ETFA: variants seen among roughly 807,000 people sequenced by gnomAD.
The protein encoded by ETFA is electron transfer flavoprotein subunit alpha, mitochondrial.
ETFA carries 22 observed loss-of-function variants against 46.2 expected under a neutral mutation model. That is an observed-to-expected ratio of 0.48 (90% CI 0.34 to 0.68). ETFA has a LOEUF of 0.68. ETFA is among the 30% of genes least tolerant of loss of function. The pLI is 0.01. For missense variants in ETFA, 345 were observed against 401.1 expected (o/e 0.86, Z 1.19); for synonymous variants, 131 against 139.9 (o/e 0.94, Z 0.45).
chr15:76,266,777 G>A lies in ETFA; in HGVS notation c.816+7635C>T, dbSNP rs149361175. 7.7e-3 allele frequency among the ~76,000 whole-genome samples: 1,175 copies of A among 152,158 alleles called. 18 individuals are homozygous for A. The highest frequency in any genetic ancestry group is 0.025 in the African/African-American group (1,032 of 41,508). On this transcript the variant is annotated intron_variant, in intron 9 of 11. Transcript: ENST00000557943. ...AAATTCGTTGGGTGTGGTGGCGGGC[G>A]CCTGTAGTCCCAGCTACTCAGGAGG...
intron 9 of ETFA, chr15:76,259,238 G>A (rs1347023915): frequency 9.6e-6 from 15 of 1,555,892 alleles, no homozygotes; most frequent in East Asian, 2.2e-5. Context: ...TGGCTCTCTC[G>A]ATGTTGATGT....
intron 9 of ETFA, among the ~76,000 whole-genome samples, chr15:76,243,726 G>A (rs1596196379): frequency 1.3e-5 from 2 of 151,868 alleles, no homozygotes; most frequent in Middle Eastern, 6.8e-3. Flanking sequence ...TTGAACCTGG[G>A]AGGCAGAGGT....
chr15:76,231,267 A>T, intron 10 of ETFA, 66 bp downstream of exon 10: 2 of 983,416 alleles, frequency 2.0e-6, no homozygotes, highest in Non-Finnish European at 3.3e-6. Context: ...ACATGGAAAC[A>T]TACAAGGTAA....
At chr15:76,251,254 G>A (rs1160492689) in intron 9 of ETFA, among the ~76,000 whole-genome samples, 2 of 152,104 alleles carry the variant, frequency 1.3e-5, no homozygotes, top group Non-Finnish European at 2.9e-5. Flanking sequence ...AAATGATGGG[G>A]TCCAGAGGAA....
rs757885420 is a variant in ETFA at position 76,216,598 on chromosome 15, C to T, written c.964-1G>A. The T allele has an allele frequency of 2.5e-6, 4 of 1,584,882 alleles. No homozygotes were observed. Among genetic ancestry groups the T allele is most frequent in the Non-Finnish European group, 3.5e-6 (4 of 1,153,452 alleles). ...ATATCTCAGTCATTTCAGGAACTAC[C>T]TGCAAATAAAAACAAAAAGTAATTA... On this transcript the variant is annotated splice_acceptor_variant, in intron 11 of 11. Coordinates refer to ENST00000557943, the MANE Select transcript of ETFA (RefSeq NM_000126.4). LOFTEE classifies it high-confidence loss of function.
At chr15:76,307,489 CT>C (rs144568141) in intron 1 of ETFA, among the ~76,000 whole-genome samples, 636 of 118,342 alleles carry the variant, frequency 5.4e-3, no homozygotes, top group Middle Eastern at 5.0e-3. Context: ...CCATCTTAAC[CT>C]TTTTTTTTTT....
chr15:76,303,682 C>A (rs1344317753), intron 1 of ETFA, among the ~76,000 whole-genome samples: 1 of 152,118 alleles, frequency 6.6e-6, no homozygotes, highest in African/African-American at 2.4e-5. Flanking sequence ...ATGTGGCCAA[C>A]AAGCATATAA....
chr15:76,303,076 G>A (rs1436020178), intron 1 of ETFA, among the ~76,000 whole-genome samples: 1 of 152,110 alleles, frequency 6.6e-6, no homozygotes, highest in African/African-American at 2.4e-5. Context: ...AGGCCGAGGC[G>A]AGTGGATCAC....
At chr15:76,258,219 C>T (rs918273161) in intron 9 of ETFA, among the ~76,000 whole-genome samples, 1 of 151,986 alleles carries the variant, frequency 6.6e-6, no homozygotes, top group African/African-American at 2.4e-5. Flanking sequence ...GTAGCATGCT[C>T]AGATTGTGGG....
intron 8 of ETFA, among the ~76,000 whole-genome samples, chr15:76,281,410 C>A (rs539086551): frequency 6.6e-6 from 1 of 152,082 alleles, no homozygotes; most frequent in South Asian, 2.1e-4. Flanking sequence ...GTCTCCCTAA[C>A]ACTTACGACT....
chr15:76,270,965 T>C (rs1596210761), intron 9 of ETFA, among the ~76,000 whole-genome samples: 1 of 151,844 alleles, frequency 6.6e-6, no homozygotes, highest in South Asian at 2.1e-4. Context: ...AGGCCAGGGG[T>C]TCCAGACCAG....
At chr15:76,271,903 G>A (rs940614883) in intron 9 of ETFA, among the ~76,000 whole-genome samples, 5 of 129,806 alleles carry the variant, frequency 3.9e-5, no homozygotes, top group Admixed American at 3.0e-4. Context: ...ATGCGTATAT[G>A]TGTGTGTATA....
intron 7 of ETFA, 107 bp downstream of exon 7, chr15:76,285,530 T>C: frequency 1.4e-6 from 1 of 711,594 alleles, no homozygotes; most frequent in South Asian, 1.6e-5. Flanking sequence ...CTTCCCAACT[T>C]CTTACATTTG....
At chr15:76,243,020 G>A (rs1320250842) in intron 9 of ETFA, among the ~76,000 whole-genome samples, 1 of 152,184 alleles carries the variant, frequency 6.6e-6, no homozygotes, top group Non-Finnish European at 1.5e-5. Flanking sequence ...AAAACAACTG[G>A]GTGTGGTGCT....
chr15:76,309,577 C>T (rs779501190), intron 1 of ETFA, among the ~76,000 whole-genome samples: 43 of 152,222 alleles, frequency 2.8e-4, no homozygotes, highest in Admixed American at 3.9e-4. Flanking sequence ...TGTCTATACA[C>T]ATTAGCCAAC....
intron 9 of ETFA, among the ~76,000 whole-genome samples, chr15:76,241,320 G>C (rs2039185372): frequency 6.6e-6 from 1 of 151,968 alleles, no homozygotes; most frequent in Non-Finnish European, 1.5e-5. Context: ...AGGCAACACA[G>C]CAAGACCCCA....
chr15:76,298,478 A>T (rs902652931), intron 1 of ETFA, among the ~76,000 whole-genome samples: 8 of 152,224 alleles, frequency 5.3e-5, no homozygotes, highest in Non-Finnish European at 8.8e-5. Flanking sequence ...CTTTAACCAG[A>T]TTAACCAAAC....
intron 1 of ETFA, among the ~76,000 whole-genome samples, chr15:76,299,106 G>T (rs1022201492): frequency 5.3e-5 from 8 of 152,074 alleles, no homozygotes; most frequent in African/African-American, 1.9e-4. Flanking sequence ...AAGGAATCTC[G>T]ATCTCTTCAA....
At chr15:76,277,941 T>C (rs1248497630) in intron 8 of ETFA, among the ~76,000 whole-genome samples, 1 of 152,208 alleles carries the variant, frequency 6.6e-6, no homozygotes, top group African/African-American at 2.4e-5. Flanking sequence ...TATTTGCTTG[T>C]TGGTCTCTCC....
Sources: allele counts gnomAD v4.1 joint callset (sites outside exome capture counted in the v4.1 genomes callset), GRCh38; gene constraint gnomAD v4.1.1; transcripts MANE v1.5; gene names NCBI Gene and HGNC (gene_info 2026-07-23, HGNC 2026-07-21).